Variants in CASD1 observed in about 807,000 individuals in gnomAD.
CASD1 encodes N-acetylneuraminate (7)9-O-acetyltransferase.
CASD1 carries 41 observed loss-of-function variants against 100.0 expected under a neutral mutation model. The observed-to-expected ratio is 0.41, with a 90% CI of 0.32 to 0.53. The LOEUF is 0.53. Ranked by LOEUF, CASD1 falls within the 20% of genes least tolerant of loss-of-function variation. The pLI, the probability that CASD1 is intolerant of heterozygous loss-of-function variation, is 0.25. For missense variants in CASD1, 774 were observed against 948.7 expected (o/e 0.82, Z 2.42); for synonymous variants, 321 against 315.6 (o/e 1.02, Z -0.18).
chr7:94,619,642 T>C, the CASD1 span: 1 of 152,244 alleles, frequency 6.6e-6, no homozygotes, highest in Non-Finnish European at 1.5e-5. Flanking sequence ...CGATAAATAA[T>C]AGCTTTCTGT....
At chr7:94,626,767 G>A in the CASD1 span, 1 of 151,838 alleles carries the variant, frequency 6.6e-6, no homozygotes, top group Non-Finnish European at 1.5e-5. Flanking sequence ...TTTTGTTCCT[G>A]AATTTAAATG....
the CASD1 span, chr7:94,619,315 AAATC>A: frequency 5.5e-6 from 1 of 182,340 alleles, no homozygotes; most frequent in Non-Finnish European, 1.1e-5. Flanking sequence ...TCTGAAATAA[AAATC>A]AATTATATGT....
At chr7:94,566,264 C>T in the CASD1 span, among the ~76,000 whole-genome samples, 1 of 152,026 alleles carries the variant, frequency 6.6e-6, no homozygotes, top group African/African-American at 2.4e-5. Context: ...TGTGAAAATT[C>T]TTAGTACAGT....
chr7:94,549,394 A>G (rs1397546843), intron 13 of CASD1, 139 bp from the exon 14 acceptor site: 5 of 452,322 alleles, frequency 1.1e-5, no homozygotes, highest in South Asian at 1.5e-4. Context: ...GATATTTTCA[A>G]ATGAAATAAA....
the CASD1 span, chr7:94,588,963 C>G: frequency 1.9e-6 from 1 of 538,504 alleles, no homozygotes; most frequent in East Asian, 3.3e-5. Context: ...GGGCTATACT[C>G]TAAAGTACCT....
In CASD1 at chr7:94,555,815, A is replaced by T; in HGVS notation, c.*57A>T. On this transcript the variant is annotated 3_prime_UTR_variant, in exon 18 of 18. Transcript: ENST00000297273. ...CAGGCTACCTTTGTGTGTCTCTAGA[A>T]GAGAAAAGCATCTATCTGGAGATAT... 6.6e-7 allele frequency: 1 copy of T among 1,504,034 alleles called. No homozygotes were observed. The highest frequency in any genetic ancestry group is 9.0e-7 in the Non-Finnish European group (1 of 1,113,266). The allele number at this position is 1,504,034 out of a possible 1,614,324, so 93.2% of individuals were successfully genotyped here.
the CASD1 span, among the ~76,000 whole-genome samples, chr7:94,579,978 T>TAG: frequency 6.6e-6 from 1 of 152,180 alleles, no homozygotes; most frequent in Admixed American, 6.6e-5. Flanking sequence ...AATTGGCTCC[T>TAG]CTCTGTTCCT....
the CASD1 span, among the ~76,000 whole-genome samples, chr7:94,569,203 TATACTC>T: frequency 6.9e-4 from 105 of 152,290 alleles, no homozygotes; most frequent in South Asian, 1.2e-3. Flanking sequence ...TCTGGTAACT[TATACTC>T]ATATTGGTGG....
At chr7:94,585,408 A>G in the CASD1 span, 4 of 1,132,030 alleles carry the variant, frequency 3.5e-6, no homozygotes, top group Middle Eastern at 2.0e-4. Context: ...TATGCCAGAA[A>G]AGCTCATGCA....
rs373102353 is a variant in CASD1 at position 94,529,098 on chromosome 7, T to G, written c.459+848T>G. Among the ~76,000 whole-genome samples, 53 of 152,290 alleles carry G rather than the reference T, an allele frequency of 3.5e-4. No individual in the cohort carries two copies. In the South Asian group the frequency reaches 0.011, roughly 32 times the overall value. ...TTCAAAAAACAAACATGTAGACAAC[T>G]TCTAGAATTCAAATTTCTGGTAAAT... On this transcript the variant is annotated intron_variant, in intron 5 of 17. Coordinates refer to ENST00000297273, the MANE Select transcript of CASD1 (RefSeq NM_022900.5).
downstream of CASD1, among the ~76,000 whole-genome samples, chr7:94,559,110 A>G (rs117381269): frequency 0.012 from 1,867 of 152,112 alleles, 45 homozygotes; most frequent in East Asian, 0.13. Flanking sequence ...TGATTTTCTG[A>G]TTTTAAATCT....
At chr7:94,600,378 C>CA in the CASD1 span, 6 of 400,346 alleles carry the variant, frequency 1.5e-5, no homozygotes, top group Admixed American at 4.2e-5. Context: ...TATCTAGCCT[C>CA]AATTATTCTT....
the CASD1 span, among the ~76,000 whole-genome samples, chr7:94,566,705 T>G: frequency 6.6e-6 from 1 of 152,198 alleles, no homozygotes; most frequent in African/African-American, 2.4e-5. Flanking sequence ...CTTTTCTCTC[T>G]CTTTTTTTCA....
the CASD1 span, chr7:94,587,505 T>C: frequency 7.7e-7 from 1 of 1,297,044 alleles, no homozygotes. Context: ...AGTATTCTTT[T>C]AGAAATTTTC....
chr7:94,562,423 G>A, the CASD1 span, among the ~76,000 whole-genome samples: 2 of 152,084 alleles, frequency 1.3e-5, no homozygotes, highest in African/African-American at 4.8e-5. Flanking sequence ...TATACAAATG[G>A]TAGTAGTAAT....
At chr7:94,527,231 G>C in intron 4 of CASD1, 25 bp downstream of exon 4, 2 of 1,540,094 alleles carry the variant, frequency 1.3e-6, no homozygotes, top group Non-Finnish European at 1.8e-6. Flanking sequence ...TAGTAAGCTA[G>C]ATGTTACAAT....
chr7:94,551,187 G>A (rs1019062511), intron 14 of CASD1, 151 bp from the exon 15 acceptor site: 3 of 460,064 alleles, frequency 6.5e-6, no homozygotes, highest in Non-Finnish European at 1.1e-5. Flanking sequence ...TTCATTTCTT[G>A]AAGTTTCACT....
the CASD1 span, chr7:94,600,454 C>A: frequency 3.6e-6 from 2 of 561,134 alleles, no homozygotes; most frequent in African/African-American, 3.8e-5. Context: ...TAATTATATC[C>A]CCTAATTTGA....
At chr7:94,629,653 A>G in the CASD1 span, 1 of 1,382,808 alleles carries the variant, frequency 7.2e-7, no homozygotes, top group Non-Finnish European at 1.0e-6. Context: ...ATATATGTCT[A>G]TATTATGCAA....
Sources: allele counts gnomAD v4.1 joint callset (sites outside exome capture counted in the v4.1 genomes callset), GRCh38; gene constraint gnomAD v4.1.1; transcripts MANE v1.5; gene names NCBI Gene and HGNC (gene_info 2026-07-23, HGNC 2026-07-21).